Variants in AKT3 observed in about 807,000 individuals in gnomAD.
The protein encoded by AKT3 is AKT serine/threonine kinase 3.
In AKT3, 15 loss-of-function variants were observed where a neutral mutation model predicts 65.3. That is an observed-to-expected ratio of 0.23 (90% CI 0.15 to 0.35). AKT3 has a LOEUF of 0.35. AKT3 is among the 10% of genes least tolerant of loss of function. AKT3 has a pLI of 1.00. For missense variants in AKT3, 243 were observed against 576.5 expected (o/e 0.42, Z 5.92); for synonymous variants, 206 against 183.8 (o/e 1.12, Z -0.98).
At chr1:243,513,610 G>A (rs1670156252) in intron 12 of AKT3, among the ~76,000 whole-genome samples, 2 of 151,962 alleles carry the variant, frequency 1.3e-5, no homozygotes, top group Admixed American at 6.6e-5. Flanking sequence ...TCAAAATAAG[G>A]GACATTTCAG....
chr1:243,638,915 AAG>A (rs1680174309), intron 5 of AKT3, among the ~76,000 whole-genome samples: 2 of 152,160 alleles, frequency 1.3e-5, no homozygotes, highest in South Asian at 4.1e-4. Context: ...AAGAAAGAAA[AAG>A]AGTAGAGAAA....
In AKT3 at chr1:243,501,867, AAC is replaced by A. The variant is rs747431119; in HGVS notation, c.*3380_*3381del. On this transcript the variant is annotated 3_prime_UTR_variant, in exon 14 of 14. Coordinates refer to ENST00000673466, the MANE Select transcript of AKT3 (RefSeq NM_005465.7). ...ATACTAAGGATGTACAGTGTACAAA[AAC>A]AGTTTCTCCTAGTTATTCCACATCC... The A allele has an allele frequency of 3.9e-5, 9 of 232,620 alleles. No homozygotes were observed. In the East Asian group the frequency reaches 4.9e-4, roughly 13 times the overall value. 14.4% of individuals were successfully genotyped at this position (232,620 alleles called of 1,614,324 possible).
chr1:243,540,258 T>C (rs1672217898), intron 12 of AKT3, among the ~76,000 whole-genome samples: 1 of 152,180 alleles, frequency 6.6e-6, no homozygotes, highest in South Asian at 2.1e-4. Context: ...AAGTGGTTTT[T>C]TTCAACAGGA....
chr1:243,505,172 G>C lies in AKT3; in HGVS notation c.*77C>G. 1.4e-6 allele frequency: 2 copies of C among 1,385,592 alleles called. No individual in the cohort carries two copies. Among genetic ancestry groups the C allele is most frequent in the Non-Finnish European group, 2.0e-6 (2 of 980,856 alleles). 85.8% of individuals were successfully genotyped at this position (1,385,592 alleles called of 1,614,324 possible). A position where few individuals can be genotyped will look rare whatever the true frequency, so the allele number is the denominator to read the frequency against. Reference sequence around the variant, plus strand: ...GAAGGTGCCCCTGCTATGTGTAAGAGCTAGGACTGGTGATGTCCAGGAATC... The same window carrying C: ...GAAGGTGCCCCTGCTATGTGTAAGACCTAGGACTGGTGATGTCCAGGAATC... On this transcript the variant is annotated 3_prime_UTR_variant, in exon 14 of 14. Coordinates refer to ENST00000673466, the MANE Select transcript of AKT3 (RefSeq NM_005465.7).
At chr1:243,725,495 G>A (rs1687157324) in intron 2 of AKT3, among the ~76,000 whole-genome samples, 1 of 152,112 alleles carries the variant, frequency 6.6e-6, no homozygotes. Flanking sequence ...TAACAGAACA[G>A]AACTCAGCCT....
chr1:243,575,966 G>A (rs1415928063), intron 8 of AKT3, among the ~76,000 whole-genome samples: 1 of 152,084 alleles, frequency 6.6e-6, no homozygotes, highest in African/African-American at 2.4e-5. Flanking sequence ...GGAAAAAAAA[G>A]ATGAGATCAG....
chr1:243,783,301 G>T (rs952743940), intron 2 of AKT3, among the ~76,000 whole-genome samples: 1 of 152,182 alleles, frequency 6.6e-6, no homozygotes, highest in South Asian at 2.1e-4. Flanking sequence ...GTTGATCATC[G>T]ATGGCCAATG....
chr1:243,839,777 C>T (rs1695124220), intron 2 of AKT3, among the ~76,000 whole-genome samples: 2 of 148,948 alleles, frequency 1.3e-5, no homozygotes. Context: ...CGAAAAAAGA[C>T]TAATATTCAA....
chr1:243,763,095 T>C (rs1282312353), intron 2 of AKT3, among the ~76,000 whole-genome samples: 1 of 152,050 alleles, frequency 6.6e-6, no homozygotes, highest in East Asian at 1.9e-4. Flanking sequence ...TTTACTACTG[T>C]TAACTAATAA....
chr1:243,658,399 T>A (rs1472941730), intron 4 of AKT3, among the ~76,000 whole-genome samples: 3 of 152,082 alleles, frequency 2.0e-5, no homozygotes, highest in African/African-American at 7.2e-5. Flanking sequence ...AAAACCACGA[T>A]GAAATATCAC....
chr1:243,633,798 A>G (rs1199160766), intron 6 of AKT3, among the ~76,000 whole-genome samples: 3 of 152,294 alleles, frequency 2.0e-5, no homozygotes, highest in Admixed American at 2.0e-4. Context: ...CTCACTTTAA[A>G]CATAAATGGA....
At chr1:243,576,473 G>A (rs1000557237) in intron 8 of AKT3, among the ~76,000 whole-genome samples, 21 of 152,060 alleles carry the variant, frequency 1.4e-4, no homozygotes, top group African/African-American at 5.1e-4. Flanking sequence ...ACATGATCCT[G>A]TATCTAGAAA....
chr1:243,643,860 TCC>T (rs2147838439), intron 5 of AKT3, among the ~76,000 whole-genome samples: 1 of 152,338 alleles, frequency 6.6e-6, no homozygotes, highest in East Asian at 1.9e-4. Context: ...TTAAAAATAA[TCC>T]AAACTTCTGC....
intron 4 of AKT3, among the ~76,000 whole-genome samples, chr1:243,655,847 A>G (rs1350405512): frequency 6.6e-6 from 1 of 152,126 alleles, no homozygotes; most frequent in Non-Finnish European, 1.5e-5. Context: ...TCCATCTCCA[A>G]TACCACTTCA....
chr1:243,847,495 A>T (rs1250905640), intron 1 of AKT3, among the ~76,000 whole-genome samples: 4 of 152,170 alleles, frequency 2.6e-5, no homozygotes, highest in African/African-American at 9.6e-5. Context: ...CTACAAAATC[A>T]ATTTGTAAAA....
chr1:243,721,870 CT>C (rs1686935408), intron 2 of AKT3, among the ~76,000 whole-genome samples: 1 of 151,948 alleles, frequency 6.6e-6, no homozygotes, highest in Non-Finnish European at 1.5e-5. Context: ...TGAGATTACC[CT>C]ACAGATAACT....
chr1:243,730,356 T>C (rs554534164), intron 2 of AKT3, among the ~76,000 whole-genome samples: 1 of 152,184 alleles, frequency 6.6e-6, no homozygotes, highest in Non-Finnish European at 1.5e-5. Flanking sequence ...CACCTTCCAG[T>C]TGTCCACGTA....
At chr1:243,723,905 T>A (rs1411617066) in intron 2 of AKT3, among the ~76,000 whole-genome samples, 3 of 151,966 alleles carry the variant, frequency 2.0e-5, no homozygotes, top group African/African-American at 7.3e-5. Flanking sequence ...AGAGACAGAG[T>A]AATATCTGTC....
At chr1:243,764,324 T>G (rs1408477448) in intron 2 of AKT3, among the ~76,000 whole-genome samples, 1 of 152,032 alleles carries the variant, frequency 6.6e-6, no homozygotes, top group Non-Finnish European at 1.5e-5. Context: ...GGAAGAAAAT[T>G]AGTCAAAATG....
Sources: allele counts gnomAD v4.1 joint callset (sites outside exome capture counted in the v4.1 genomes callset), GRCh38; gene constraint gnomAD v4.1.1; transcripts MANE v1.5; gene names NCBI Gene and HGNC (gene_info 2026-07-23, HGNC 2026-07-21).